DCAF1: variants seen among roughly 807,000 people sequenced by gnomAD.
The protein encoded by DCAF1 is DDB1 and CUL4 associated factor 1, also known as DDB1- and CUL4-associated factor 1.
A neutral mutation model predicts 128.0 loss-of-function variants in DCAF1; 15 were observed. That is an observed-to-expected ratio of 0.12 (90% CI 0.08 to 0.18). The LOEUF (loss-of-function observed/expected upper bound fraction) is 0.18. DCAF1 is among the 10% of genes least tolerant of loss of function. DCAF1 has a pLI of 1.00. For synonymous variants in DCAF1, 610 were observed against 603.0 expected (o/e 1.01, Z -0.17); for missense variants, 988 against 1,649.5 (o/e 0.60, Z 6.95).
intron 3 of DCAF1, among the ~76,000 whole-genome samples, chr3:51,480,492 G>A (rs912520689): frequency 9.2e-5 from 14 of 151,762 alleles, no homozygotes; most frequent in Middle Eastern, 3.4e-3. Flanking sequence ...CCAGCTACTC[G>A]GGAGGCTGAG....
In DCAF1 at chr3:51,420,360, C is replaced by G. The variant is rs889478512; in HGVS notation, c.2610G>C (p.Leu870=). The change falls in exon 15 of 25, where the codon CTG becomes CTC. Residue 870 remains leucine (L), a synonymous_variant. Transcript: ENST00000684031. This position sits in a 1 kb window ranked among gnomAD's most constrained non-coding sequence, Gnocchi z 6.5. The stretch of plus-strand genomic sequence containing the variant: ...TCATGGGCAGGTCAGCCTCTTTTGT[C>G]AGCACGGTTGCTGTTTCTCCAAGCC... ...SKGLGETATV[L]TKEADLPMTA... 2.5e-6 allele frequency: 4 copies of G among 1,613,906 alleles called. No individual in the cohort carries two copies. The African/African-American group carries it at 5.3e-5, about 22-fold the overall frequency.
At chr3:51,417,634 G>A (rs1010190069) in intron 17 of DCAF1, among the ~76,000 whole-genome samples, 5 of 151,946 alleles carry the variant, frequency 3.3e-5, no homozygotes, top group South Asian at 2.1e-4. Context: ...GCAGGAGAAC[G>A]GTGTGAACCC....
At chr3:51,397,659 TGA>T (rs1215556697), downstream of DCAF1, 1 of 166,804 alleles carries the variant, frequency 6.0e-6, no homozygotes, top group African/African-American at 2.4e-5. Flanking sequence ...GCCCTCCCCA[TGA>T]GAGAGCTACA....
chr3:51,487,191 C>T (rs1185820549), intron 2 of DCAF1, among the ~76,000 whole-genome samples: 1 of 151,982 alleles, frequency 6.6e-6, no homozygotes, highest in Non-Finnish European at 1.5e-5. Flanking sequence ...AGTCTGGTCT[C>T]GATCTCTTGA....
downstream of DCAF1, chr3:51,397,610 G>C (rs1577027808): frequency 6.0e-6 from 1 of 167,124 alleles, no homozygotes; most frequent in African/African-American, 2.4e-5. Context: ...AGGGAACAAA[G>C]CCCTGACCTC....
At chr3:51,427,312 A>G (rs1699991221) in intron 13 of DCAF1, 60 bp downstream of exon 13, 1 of 646,532 alleles carries the variant, frequency 1.5e-6, no homozygotes, top group African/African-American at 1.8e-5. Flanking sequence ...TGTGCAAACC[A>G]ACATCAACTT....
chr3:51,496,394 T>TC (rs1708241290), intron 2 of DCAF1, among the ~76,000 whole-genome samples: 1 of 152,114 alleles, frequency 6.6e-6, no homozygotes. Context: ...GCCACTGCAC[T>TC]CCAGCTTGCA....
chr3:51,458,629 C>A (rs1296321355), intron 6 of DCAF1, among the ~76,000 whole-genome samples: 2 of 152,114 alleles, frequency 1.3e-5, no homozygotes, highest in Non-Finnish European at 2.9e-5. Flanking sequence ...CAGCGCCACA[C>A]CACACCTACT....
intron 6 of DCAF1, among the ~76,000 whole-genome samples, chr3:51,445,601 C>CTCTG (rs374026746): frequency 7.0e-4 from 106 of 152,294 alleles, no homozygotes; most frequent in South Asian, 3.5e-3. Flanking sequence ...CACTGCCATA[C>CTCTG]TCTGCTATTT....
chr3:51,420,887 G>C lies in DCAF1; in HGVS notation c.2083C>G (p.Arg695Gly). The part of the protein sequence containing the change: ...IINCVCGPDN[R>G]ISSIGKFISG... ...ATAAATTTACCAATACTGGATATTC[G>C]GTTATCTGGGCCACACACACAATTG... Residue 695 changes from arginine to glycine, a missense_variant, in exon 15 of 25, where the codon CGA (arginine) becomes GGA (glycine). Arg to Gly is a moderately radical substitution (Grantham distance 125). This residue lies in a region of DCAF1 where 185 missense variants were observed against 248.1 expected (regional missense o/e 0.75). Transcript: ENST00000684031. This position sits in a 1 kb window ranked among gnomAD's most constrained non-coding sequence, Gnocchi z 6.5. The C allele has an allele frequency of 6.2e-7, 1 of 1,613,930 alleles. No homozygotes were observed. Among genetic ancestry groups the C allele is most frequent in the Non-Finnish European group, 8.5e-7 (1 of 1,179,896 alleles).
chr3:51,458,691 G>C (rs1212535947), intron 6 of DCAF1, among the ~76,000 whole-genome samples: 1 of 152,060 alleles, frequency 6.6e-6, no homozygotes, highest in South Asian at 2.1e-4. Context: ...AAATGTAAAC[G>C]AACAGAAATT....
intron 8 of DCAF1, 136 bp from the exon 9 acceptor site, chr3:51,441,207 C>T: frequency 8.6e-7 from 1 of 1,156,660 alleles, no homozygotes. Flanking sequence ...CGTGTAAATG[C>T]ACTTTAATCA....
chr3:51,464,829 C>T (rs560362989), intron 5 of DCAF1, among the ~76,000 whole-genome samples: 5 of 152,104 alleles, frequency 3.3e-5, no homozygotes, highest in South Asian at 4.2e-4. Flanking sequence ...GATTCCAAGC[C>T]GGGATGTAAA....
At chr3:51,487,205 C>T (rs987145228) in intron 2 of DCAF1, among the ~76,000 whole-genome samples, 3 of 152,042 alleles carry the variant, frequency 2.0e-5, no homozygotes, top group South Asian at 2.1e-4. Flanking sequence ...CTCTTGACCG[C>T]GTGATCCGCC....
intron 3 of DCAF1, among the ~76,000 whole-genome samples, chr3:51,481,945 C>T (rs2108384927): frequency 6.6e-6 from 1 of 152,204 alleles, no homozygotes; most frequent in African/African-American, 2.4e-5. Flanking sequence ...GAGCCAAGAT[C>T]ATGCCAATGC....
At chr3:51,489,443 A>G (rs554883115) in intron 2 of DCAF1, among the ~76,000 whole-genome samples, 1 of 152,104 alleles carries the variant, frequency 6.6e-6, no homozygotes, top group East Asian at 1.9e-4. Context: ...TCAAAAAACA[A>G]AACAAAAAAA....
chr3:51,412,532 C>T, intron 22 of DCAF1, 52 bp from the exon 23 acceptor site: 1 of 1,610,366 alleles, frequency 6.2e-7, no homozygotes, highest in Non-Finnish European at 8.5e-7. Flanking sequence ...AGAAGGTCCA[C>T]ATCCACGCCT....
intron 4 of DCAF1, among the ~76,000 whole-genome samples, chr3:51,468,207 T>C (rs1704343308): frequency 6.6e-6 from 1 of 152,258 alleles, no homozygotes; most frequent in Non-Finnish European, 1.5e-5. Flanking sequence ...AGTCTTGTTC[T>C]GTCGCCAAGG....
intron 1 of DCAF1, among the ~76,000 whole-genome samples, chr3:51,499,061 T>C (rs551774540): frequency 1.1e-3 from 167 of 152,254 alleles, no homozygotes; most frequent in African/African-American, 4.0e-3. Context: ...GACTCAAAAA[T>C]AGCTAAATAC....
Sources: allele counts gnomAD v4.1 joint callset (sites outside exome capture counted in the v4.1 genomes callset), GRCh38; gene constraint gnomAD v4.1.1; regional missense constraint gnomAD v4.1.1; non-coding constraint Gnocchi (gnomAD v3.1); transcripts MANE v1.5; gene names NCBI Gene and HGNC (gene_info 2026-07-23, HGNC 2026-07-21).